The following TENM2 variants were observed in gnomAD, a reference collection of about 807,000 sequenced individuals.
TENM2 encodes teneurin-2.
Under a neutral mutation model 245.2 loss-of-function variants are expected in TENM2, and 52 were observed. The observed-to-expected ratio is 0.21, with a 90% confidence interval of 0.17 to 0.27. TENM2 has a LOEUF of 0.27. Ranked by LOEUF, TENM2 falls within the 10% of genes least tolerant of loss-of-function variation. The pLI is 1.00. For missense variants in TENM2, 3,046 were observed against 3,666.8 expected (o/e 0.83, Z 4.37); for synonymous variants, 1,363 against 1,438.9 (o/e 0.95, Z 1.19).
At chr5:167,197,647 G>C in the TENM2 span, among the ~76,000 whole-genome samples, 2 of 151,966 alleles carry the variant, frequency 1.3e-5, no homozygotes, top group African/African-American at 4.8e-5. Context: ...CAACAAAATT[G>C]GCATTGTTTG....
intron 2 of TENM2, among the ~76,000 whole-genome samples, chr5:167,618,436 G>T (rs1439820789): frequency 1.3e-5 from 2 of 152,026 alleles, no homozygotes; most frequent in Admixed American, 1.3e-4. Flanking sequence ...TCCTCTGGGG[G>T]CTTCTTCCTG....
chr5:167,102,712 G>A, the TENM2 span, among the ~76,000 whole-genome samples: 1 of 152,212 alleles, frequency 6.6e-6, no homozygotes, highest in East Asian at 1.9e-4. Flanking sequence ...AGGCTGGAGC[G>A]CAGTGGCGCA....
the TENM2 span, among the ~76,000 whole-genome samples, chr5:167,034,484 G>C: frequency 6.6e-6 from 1 of 152,012 alleles, no homozygotes; most frequent in Middle Eastern, 3.4e-3. Flanking sequence ...CAAAAAATTA[G>C]CCGGGCGTGG....
the TENM2 span, among the ~76,000 whole-genome samples, chr5:167,276,556 T>C: frequency 3.3e-5 from 5 of 152,090 alleles, no homozygotes; most frequent in African/African-American, 1.2e-4. Flanking sequence ...AGTTATATTG[T>C]GTATAGATCT....
chr5:168,242,340 G>A (rs764309217), intron 25 of TENM2, among the ~76,000 whole-genome samples: 6 of 152,184 alleles, frequency 3.9e-5, no homozygotes, highest in Non-Finnish European at 8.8e-5. Context: ...GCAATGTGGA[G>A]CGTTCAAGGG....
At chr5:168,236,937 ATCATATATATATATATATATATATAT>A (rs1449867210) in intron 25 of TENM2, among the ~76,000 whole-genome samples, 39 of 61,332 alleles carry the variant, frequency 6.4e-4, no homozygotes, top group Middle Eastern at 0.014. Flanking sequence ...AGATGTCCTA[ATCATATATATATATATATATATATAT>A]ATATATATAT....
At chr5:167,661,498 A>T (rs925728214) in intron 2 of TENM2, among the ~76,000 whole-genome samples, 4 of 152,196 alleles carry the variant, frequency 2.6e-5, no homozygotes, top group African/African-American at 9.6e-5. Context: ...ATTCTTACTT[A>T]GCTGGTGCCA....
At chr5:167,972,418 G>C (rs553490383) in intron 4 of TENM2, among the ~76,000 whole-genome samples, 3 of 152,052 alleles carry the variant, frequency 2.0e-5, no homozygotes, top group Non-Finnish European at 2.9e-5. Flanking sequence ...TTTAAAGTCC[G>C]TGTAATATTC....
intron 2 of TENM2, among the ~76,000 whole-genome samples, chr5:167,774,613 C>A (rs1193380102): frequency 1.3e-5 from 2 of 152,008 alleles, no homozygotes; most frequent in Admixed American, 6.6e-5. Context: ...ACATGGATAC[C>A]CCTGGGTTGC....
At chr5:167,894,969 GGAAGGA>G (rs1775076604) in intron 3 of TENM2, among the ~76,000 whole-genome samples, 1 of 133,142 alleles carries the variant, frequency 7.5e-6, no homozygotes, top group Non-Finnish European at 1.6e-5. Context: ...AAGGAAGGAA[GGAAGGA>G]AGGAAGGAAG....
chr5:168,160,026 A>G (rs534090254), intron 12 of TENM2, among the ~76,000 whole-genome samples: 18 of 152,366 alleles, frequency 1.2e-4, no homozygotes, highest in African/African-American at 2.4e-4. Flanking sequence ...TTAGTCAGAC[A>G]TGAGACCTCA....
intron 3 of TENM2, among the ~76,000 whole-genome samples, chr5:167,922,217 C>G (rs1480679922): frequency 6.6e-6 from 1 of 152,198 alleles, no homozygotes; most frequent in Admixed American, 6.5e-5. Context: ...TGACCCATAT[C>G]CATGAGACTT....
intron 2 of TENM2, among the ~76,000 whole-genome samples, chr5:167,685,253 C>G (rs1010472995): frequency 6.6e-6 from 1 of 152,180 alleles, no homozygotes; most frequent in African/African-American, 2.4e-5. Context: ...GTTATCTCTT[C>G]CTTTTAGTTA....
At chr5:167,216,498 G>A in the TENM2 span, among the ~76,000 whole-genome samples, 1 of 152,138 alleles carries the variant, frequency 6.6e-6, no homozygotes, top group Non-Finnish European at 1.5e-5. Context: ...ATGCACCACT[G>A]TCTCCCCATC....
At chr5:167,785,617 T>C (rs1431526739) in intron 2 of TENM2, among the ~76,000 whole-genome samples, 2 of 152,216 alleles carry the variant, frequency 1.3e-5, no homozygotes, top group African/African-American at 4.8e-5. Flanking sequence ...AGGAACTTCA[T>C]AGGGTCCAGA....
chr5:167,892,222 A>T (rs922841626), intron 3 of TENM2, among the ~76,000 whole-genome samples: 9 of 152,212 alleles, frequency 5.9e-5, no homozygotes, highest in African/African-American at 2.2e-4. Context: ...ACTTGAAAAA[A>T]TTATTTTCCA....
At chr5:167,526,120 A>G (rs1417274009) in intron 2 of TENM2, among the ~76,000 whole-genome samples, 1 of 151,958 alleles carries the variant, frequency 6.6e-6, no homozygotes, top group Non-Finnish European at 1.5e-5. Context: ...TATATTCATA[A>G]AAATAAGAAT....
chr5:168,074,569 G>A (rs566160579), intron 7 of TENM2, among the ~76,000 whole-genome samples: 8 of 150,186 alleles, frequency 5.3e-5, no homozygotes, highest in South Asian at 2.2e-4. Flanking sequence ...AGCTTTGGCC[G>A]TCCACCGTAG....
At chr5:167,478,397 G>T (rs1229732585) in intron 2 of TENM2, among the ~76,000 whole-genome samples, 1 of 152,126 alleles carries the variant, frequency 6.6e-6, no homozygotes, top group African/African-American at 2.4e-5. Context: ...GATACAATCT[G>T]CATATTTTAA....
Sources: gnomAD v4.1 joint callset for allele counts (sites outside exome capture counted in the v4.1 genomes callset) on GRCh38, gnomAD v4.1.1 for gene constraint, MANE v1.5 for transcripts, NCBI Gene and HGNC (gene_info 2026-07-23, HGNC 2026-07-21) for gene names.